The following CNTNAP2 variants were observed in gnomAD, a reference collection of about 807,000 sequenced individuals.
CNTNAP2 encodes the protein contactin-associated protein-like 2.
CNTNAP2 carries 98 observed loss-of-function variants against 155.2 expected under a neutral mutation model. That is an observed-to-expected ratio of 0.63 (90% confidence interval 0.54 to 0.75). CNTNAP2 has a LOEUF of 0.75. CNTNAP2 is among the 30% of genes least tolerant of loss of function. The pLI, the probability that CNTNAP2 is intolerant of heterozygous loss-of-function variation, is 0.00. For synonymous variants in CNTNAP2, 651 were observed against 631.2 expected (o/e 1.03, Z -0.47); for missense variants, 1,727 against 1,688.1 (o/e 1.02, Z -0.40).
At chr7:146,397,689 C>T (rs1795649756) in intron 1 of CNTNAP2, among the ~76,000 whole-genome samples, 2 of 152,078 alleles carry the variant, frequency 1.3e-5, no homozygotes, top group Admixed American at 1.3e-4. Context: ...ATACCCACCC[C>T]TCCAAATTTA....
intron 8 of CNTNAP2, among the ~76,000 whole-genome samples, chr7:147,237,508 T>C (rs960128648): frequency 6.6e-6 from 1 of 152,206 alleles, no homozygotes; most frequent in Non-Finnish European, 1.5e-5. Flanking sequence ...CTTTGAAGAG[T>C]GTATCTTATC....
intron 21 of CNTNAP2, among the ~76,000 whole-genome samples, chr7:148,288,292 G>A (rs1797125476): frequency 2.6e-5 from 4 of 151,200 alleles, no homozygotes; most frequent in Admixed American, 1.3e-4. Context: ...GTAGAGGCGG[G>A]GTTTCACTAT....
intron 9 of CNTNAP2, among the ~76,000 whole-genome samples, chr7:147,313,237 C>T (rs1281653500): frequency 1.3e-5 from 2 of 152,192 alleles, no homozygotes; most frequent in East Asian, 3.9e-4. Context: ...CTGGTAGTTT[C>T]TTTTGCTGTG....
At chr7:147,739,250 A>C (rs1318902466) in intron 13 of CNTNAP2, among the ~76,000 whole-genome samples, 1 of 151,894 alleles carries the variant, frequency 6.6e-6, no homozygotes, top group Non-Finnish European at 1.5e-5. Context: ...ATACTTTTAC[A>C]AATCTAATTG....
At chr7:146,484,972 TA>T (rs2129129669) in intron 1 of CNTNAP2, among the ~76,000 whole-genome samples, 1 of 152,296 alleles carries the variant, frequency 6.6e-6, no homozygotes, top group South Asian at 2.1e-4. Context: ...TGGCAAAAGA[TA>T]AAAAAGCTTT....
Position 147,230,409 on chromosome 7 carries a change from C to T in CNTNAP2, c.1349-69732C>T, listed in dbSNP as rs185937512. Among the ~76,000 whole-genome samples, 409 of 152,168 alleles carry T rather than the reference C, an allele frequency of 2.7e-3. 1 individual carries two copies. Among genetic ancestry groups the T allele is most frequent in the African/African-American group, 9.2e-3 (382 of 41,502 alleles). Reference sequence around the variant, plus strand: ...AGTAGCTGGAACTACAGGCATGCACCACCATGCTGGGCTAATTTGTGTATT... The same window carrying T: ...AGTAGCTGGAACTACAGGCATGCACTACCATGCTGGGCTAATTTGTGTATT... On this transcript the variant is annotated intron_variant, in intron 8 of 23. Coordinates refer to ENST00000361727, the MANE Select transcript of CNTNAP2 (RefSeq NM_014141.6).
intron 8 of CNTNAP2, among the ~76,000 whole-genome samples, chr7:147,189,634 C>T (rs765405621): frequency 1.5e-4 from 23 of 152,034 alleles, no homozygotes; most frequent in African/African-American, 5.6e-4. Context: ...CATTGATATA[C>T]CACAAAAAGT....
rs192562608 is a variant in CNTNAP2, at chr7:146,790,213, A to G, written c.208+15832A>G. 7.0e-4 allele frequency among the ~76,000 whole-genome samples: 107 copies of G among 152,286 alleles called. 1 individual carries two copies. In the East Asian group the frequency reaches 0.015, roughly 21 times the overall value. Reference sequence around the variant, plus strand: ...AAAGTTACCATTATCTACCTTCTCTATAGATTATTTAAGACAATCATTGAT... The same window carrying G: ...AAAGTTACCATTATCTACCTTCTCTGTAGATTATTTAAGACAATCATTGAT... On this transcript the variant is annotated intron_variant, in intron 2 of 23. Coordinates refer to ENST00000361727, the MANE Select transcript of CNTNAP2 (RefSeq NM_014141.6).
chr7:148,124,941 G>A (rs890480186), intron 16 of CNTNAP2, among the ~76,000 whole-genome samples: 6 of 152,130 alleles, frequency 3.9e-5, no homozygotes, highest in Non-Finnish European at 8.8e-5. Flanking sequence ...AAGAATTCTA[G>A]GAGGAAGAGG....
chr7:147,671,609 A>G (rs1231436512), intron 13 of CNTNAP2: 2 of 152,176 alleles, frequency 1.3e-5, no homozygotes, highest in African/African-American at 4.8e-5. Context: ...AATGTTCCCC[A>G]AATTGTTTCC....
chr7:148,352,509 A>G (rs1243200972), intron 21 of CNTNAP2, among the ~76,000 whole-genome samples: 1 of 152,230 alleles, frequency 6.6e-6, no homozygotes, highest in Non-Finnish European at 1.5e-5. Context: ...AAACCAGCCA[A>G]TGTGAATGTG....
chr7:147,743,144 C>G (rs1796980214), intron 13 of CNTNAP2, among the ~76,000 whole-genome samples: 1 of 152,194 alleles, frequency 6.6e-6, no homozygotes, highest in Admixed American at 6.6e-5. Context: ...TAGTCAGCTG[C>G]TTTAATTTAG....
chr7:148,405,487 G>A (rs1799679410), intron 22 of CNTNAP2, among the ~76,000 whole-genome samples: 1 of 137,450 alleles, frequency 7.3e-6, no homozygotes, highest in Admixed American at 7.9e-5. Context: ...GAGTGCAGTG[G>A]TGCAATCTCG....
In CNTNAP2 at chr7:147,969,261, G is replaced by GT. The variant is rs1332744037; in HGVS notation, c.2256-8601_2256-8600insT. Among the ~76,000 whole-genome samples, 4 of 152,086 alleles carry GT rather than the reference G, an allele frequency of 2.6e-5. No individual in the cohort carries two copies. In the East Asian group the frequency reaches 7.7e-4, roughly 29 times the overall value. ...AGACAGGGTTTCGCCATATTGCCCA[G>GT]GCTGGTCTTGAACTCCTGAGCTCAA... is the stretch of plus-strand genomic sequence containing the variant. On this transcript the variant is annotated intron_variant, in intron 14 of 23. Transcript: ENST00000361727.
At chr7:148,146,068 C>T (rs1396324712) in intron 16 of CNTNAP2, among the ~76,000 whole-genome samples, 1 of 152,204 alleles carries the variant, frequency 6.6e-6, no homozygotes. Context: ...CTGAGAGAAT[C>T]TGGCCCACCA....
chr7:147,700,810 A>G (rs796479284), intron 13 of CNTNAP2, among the ~76,000 whole-genome samples: 6 of 152,162 alleles, frequency 3.9e-5, no homozygotes, highest in African/African-American at 1.2e-4. Context: ...CAGTCCCTAA[A>G]CTCCTTAGTA....
intron 2 of CNTNAP2, among the ~76,000 whole-genome samples, chr7:146,782,700 A>T (rs1185387136): frequency 6.6e-6 from 1 of 152,174 alleles, no homozygotes; most frequent in Admixed American, 6.6e-5. Context: ...TGGTCCCTCT[A>T]CTTGTAGTTT....
intron 21 of CNTNAP2, among the ~76,000 whole-genome samples, chr7:148,287,526 A>T (rs973108021): frequency 4.6e-5 from 7 of 152,162 alleles, no homozygotes; most frequent in Non-Finnish European, 1.5e-5. Flanking sequence ...ATTTATAATC[A>T]TCTTAATCCC....
chr7:146,755,863 C>T (rs1393677276), intron 1 of CNTNAP2, among the ~76,000 whole-genome samples: 1 of 151,936 alleles, frequency 6.6e-6, no homozygotes, highest in African/African-American at 2.4e-5. Context: ...GTGGGGTCTA[C>T]AGTGACTGCC....
Sources: gnomAD v4.1 joint callset for allele counts (sites outside exome capture counted in the v4.1 genomes callset) on GRCh38, gnomAD v4.1.1 for gene constraint, MANE v1.5 for transcripts, NCBI Gene and HGNC (gene_info 2026-07-23, HGNC 2026-07-21) for gene names.